COL6A3: variants seen among roughly 807,000 people sequenced by gnomAD.
COL6A3 encodes collagen type VI alpha 3 chain.
In COL6A3, 137 loss-of-function variants were observed where a neutral mutation model predicts 274.1. That is an observed-to-expected ratio of 0.50 (90% CI 0.44 to 0.58). The LOEUF (loss-of-function observed/expected upper bound fraction) is 0.58, where lower values mean the gene tolerates loss of function less well. Among genes scored for constraint, COL6A3 ranks in the 20% least tolerant of loss-of-function variants. COL6A3 has a pLI of 0.00. For synonymous variants in COL6A3, 1,650 were observed against 1,650.6 expected, an observed-to-expected ratio of 1.00 and a Z score of 0.01; for missense variants, 3,950 against 4,124.9, an observed-to-expected ratio of 0.96 and a Z score of 1.16.
chr2:237,358,442 A>C, intron 21 of COL6A3, 79 bp downstream of exon 21: 2 of 1,172,750 alleles, frequency 1.7e-6, no homozygotes, highest in Non-Finnish European at 2.6e-6. Context: ...CAAAAGTAGA[A>C]TTCTTCCTTT....
chr2:237,359,272 A>G lies in COL6A3; in HGVS notation c.6310-22T>C, dbSNP rs201060021. ...CGCCCTAAGAGGGAATAAGGCGGAC[A>G]GGTAAGTATAGAAAGCTATTCTGGC... On this transcript the variant is annotated intron_variant, in intron 18 of 43. Transcript: ENST00000295550. The G allele has an allele frequency of 4.1e-5, 66 of 1,614,182 alleles. No individual in the cohort carries two copies. The African/African-American group carries it at 7.7e-4, about 19-fold the overall frequency.
intron 37 of COL6A3, among the ~76,000 whole-genome samples, chr2:237,341,688 T>C (rs939227706): frequency 1.3e-5 from 2 of 151,934 alleles, no homozygotes; most frequent in Non-Finnish European, 2.9e-5. Context: ...CTTTGTAGCA[T>C]ACCATGTGCT....
rs148175795 is a variant in COL6A3 at position 237,374,892 on chromosome 2, C to G, written c.3199G>C (p.Val1067Leu). 6.2e-7 allele frequency: 1 copy of G among 1,613,800 alleles called. No individual in the cohort carries two copies. Among genetic ancestry groups the G allele is most frequent in the Non-Finnish European group, 8.5e-7 (1 of 1,180,014 alleles). The change falls in exon 8 of 44, where the codon GTG (valine) becomes CTG (leucine). Residue 1067 changes from valine to leucine, a missense_variant. By Grantham distance (32) the Val-to-Leu change is conservative. Coordinates refer to ENST00000295550, the MANE Select transcript of COL6A3 (RefSeq NM_004369.4). The surrounding 1 kb of genome is among the most constrained non-coding windows in gnomAD (Gnocchi z 4.8). ...CGGTCGCTGTACTGCACCACGGCCA[C>G]GCGGACCCGGTCCTGGCCCACATCC... ...SLDVGQDRVR[V>L]AVVQYSDRTR...
In COL6A3 at chr2:237,340,510, G is replaced by A. The variant is rs572018781; in HGVS notation, c.8406C>T (p.Thr2802=). 8.1e-6 allele frequency: 13 copies of A among 1,613,964 alleles called. No individual in the cohort carries two copies. The highest frequency in any genetic ancestry group is 1.3e-5 in the African/African-American group (1 of 74,914). The change falls in exon 38 of 44, where the codon ACC becomes ACT. Residue 2802 remains threonine, a synonymous_variant. Transcript: ENST00000295550. The part of the protein sequence containing the change: ...DVFFKLVDKS[T]ELNEEPLMRF... ...GCATCAAAGGCTCCTCGTTGAGCTC[G>A]GTGGACTTGTCCACTAATTTGAAGA...
chr2:237,358,456 C>T, intron 21 of COL6A3, 65 bp downstream of exon 21: 1 of 1,274,624 alleles, frequency 7.8e-7, no homozygotes. Context: ...TTCCTTTCAT[C>T]CCCCTTTCCC....
At position 237,360,082 on chromosome 2, in the gene COL6A3, C is replaced by T. The variant is rs375003188; in HGVS notation, c.6282+6G>A. On this transcript the variant is annotated splice_donor_region_variant and intron_variant, in intron 17 of 43. Coordinates refer to ENST00000295550, the MANE Select transcript of COL6A3 (RefSeq NM_004369.4). ...CACGCTAGCAACCCCATCACCCACG[C>T]CTCACCTTTACTCCTCTCTGGCCCG... is the stretch of plus-strand genomic sequence containing the variant. The T allele has an allele frequency of 3.7e-6, 6 of 1,613,994 alleles. No homozygotes were observed. The African/African-American group carries it at 6.7e-5, about 18-fold the overall frequency.
At chr2:237,326,271 G>GTGTA (rs1553541639) in intron 42 of COL6A3, 10 of 151,644 alleles carry the variant, frequency 6.6e-5, no homozygotes, top group African/African-American at 2.5e-4. Flanking sequence ...GTGTGTGTGT[G>GTGTA]TATGCACGTA....
In COL6A3 at chr2:237,360,176, A is replaced by C; in HGVS notation, c.6211-17T>G. On this transcript the variant is annotated splice_polypyrimidine_tract_variant and intron_variant, in intron 16 of 43. Transcript: ENST00000295550. ...ACGCTCACCCTGTTGTGAGAGACAAAGGCATTTTGCAAGCTGGAGCCCTTC... is the reference window on the plus strand; with the variant it reads ...ACGCTCACCCTGTTGTGAGAGACAACGGCATTTTGCAAGCTGGAGCCCTTC... 3 of 1,613,884 alleles carry C rather than the reference A, an allele frequency of 1.9e-6. No individual in the cohort carries two copies. Among genetic ancestry groups the C allele is most frequent in the South Asian group, 2.2e-5 (2 of 90,988 alleles).
chr2:237,381,275 G>C lies in COL6A3; in HGVS notation c.1537C>G (p.Arg513Gly), dbSNP rs369379463. Residue 513 changes from arginine to glycine, a missense_variant, in exon 5 of 44, where the codon CGG becomes GGG. Around this residue, in one of 5 missense-constraint regions of COL6A3, gnomAD observed 1,934 missense variants for 1,984.3 expected, o/e 0.97. Coordinates refer to ENST00000295550, the MANE Select transcript of COL6A3 (RefSeq NM_004369.4). Reference sequence around the variant, plus strand: ...GAGCCGTCCAGGGGCTTCATTTTCCGCACAGCGGTTATGACTTCCCTTTTT... The same window carrying C: ...GAGCCGTCCAGGGGCTTCATTTTCCCCACAGCGGTTATGACTTCCCTTTTT... ...PTKREVITAV[R>G]KMKPLDGSAL... The C allele has an allele frequency of 3.1e-6, 5 of 1,614,116 alleles. No homozygotes were observed. The highest frequency in any genetic ancestry group is 4.2e-6 in the Non-Finnish European group (5 of 1,180,052).
rs2077138936 is a variant in COL6A3, at chr2:237,348,372, A to G, written c.6943T>C (p.Phe2315Leu). 2 of 1,606,220 alleles carry G rather than the reference A, an allele frequency of 1.2e-6. No homozygotes were observed. The highest frequency in any genetic ancestry group is 1.7e-6 in the Non-Finnish European group (2 of 1,172,832). ...GRRGKKGERG[F>L]PGYPGPKGNP... ...ACCTTTGGTCCTGGGTATCCAGGGA[A>G]TCCTCTTTCTCCCTATAAAGGAAAA... Residue 2315 changes from phenylalanine (F) to leucine (L), a missense_variant, in exon 30 of 44, where the codon TTC (phenylalanine) becomes CTC (leucine). This residue lies in a region of COL6A3 where 1,284 missense variants were observed against 1,349.7 expected (regional missense o/e 0.95). Coordinates refer to ENST00000295550, the MANE Select transcript of COL6A3 (RefSeq NM_004369.4).
intron 8 of COL6A3, among the ~76,000 whole-genome samples, chr2:237,373,708 C>A (rs1428187131): frequency 1.3e-5 from 2 of 152,294 alleles, no homozygotes; most frequent in East Asian, 1.9e-4. Context: ...TGTGAACCCC[C>A]CCCACCCGAG....
intron 10 of COL6A3, 75 bp from the exon 11 acceptor site, chr2:237,367,361 T>G: frequency 6.6e-7 from 1 of 1,506,704 alleles, no homozygotes; most frequent in Middle Eastern, 1.8e-4. Context: ...AAAGGTAAAA[T>G]TAAATAACTG....
chr2:237,391,599 T>A (rs1435776186), intron 3 of COL6A3, among the ~76,000 whole-genome samples: 1 of 152,038 alleles, frequency 6.6e-6, no homozygotes, highest in Admixed American at 6.6e-5. Context: ...GTGTCACAAA[T>A]TTGGCTCACT....
In COL6A3 at chr2:237,394,775, G is replaced by A; in HGVS notation, c.521C>T (p.Ala174Val). The A allele has an allele frequency of 6.2e-7, 1 of 1,614,144 alleles. No individual in the cohort carries two copies. Among genetic ancestry groups the A allele is most frequent in the Non-Finnish European group, 8.5e-7 (1 of 1,180,036 alleles). Reference sequence around the variant, plus strand: ...TTCATCTGCATCCTCAACTCCAATTGCAAACACGTTAACATCAGCAGACTT... The same window carrying A: ...TTCATCTGCATCCTCAACTCCAATTACAAACACGTTAACATCAGCAGACTT... Reference protein sequence around the residue: ...ELKSADVNVFAIGVEDADEGA... With the variant: ...ELKSADVNVFVIGVEDADEGA... Residue 174 changes from alanine to valine, a missense_variant, in exon 3 of 44, where the codon GCA (alanine) becomes GTA (valine). By Grantham distance (64) the Ala-to-Val change is moderately conservative. Transcript: ENST00000295550.
intron 20 of COL6A3, among the ~76,000 whole-genome samples, 190 bp from the exon 21 acceptor site, chr2:237,358,773 C>A (rs2106340722): frequency 6.6e-6 from 1 of 152,266 alleles, no homozygotes; most frequent in Middle Eastern, 3.4e-3. Context: ...TTATTGGGGA[C>A]CCACTTTGTG....
chr2:237,385,095 C>T (rs913911865), intron 4 of COL6A3, among the ~76,000 whole-genome samples: 2 of 152,176 alleles, frequency 1.3e-5, no homozygotes, highest in Non-Finnish European at 2.9e-5. Flanking sequence ...CTAAAATTCC[C>T]TTCCCCAGTC....
chr2:237,331,323 C>A (rs528266239), intron 42 of COL6A3, among the ~76,000 whole-genome samples: 28 of 151,790 alleles, frequency 1.8e-4, no homozygotes, highest in Non-Finnish European at 2.6e-4. Flanking sequence ...TATATAAAAA[C>A]CATTAAAAAA....
chr2:237,347,903 T>C, intron 30 of COL6A3, 34 bp from the exon 31 acceptor site: 1 of 1,590,424 alleles, frequency 6.3e-7, no homozygotes. Flanking sequence ...CACAGTAAGC[T>C]TTGGAACAGA....
chr2:237,378,631 T>A lies in COL6A3; in HGVS notation c.2497+5A>T. ...AGGGAGTTCCCGGCAACAGGGGAGG[T>A]TTACCTGGCTGAGCGAGTGGTACTT... On this transcript the variant is annotated splice_donor_5th_base_variant and intron_variant, in intron 6 of 43. Coordinates refer to ENST00000295550, the MANE Select transcript of COL6A3 (RefSeq NM_004369.4). 1 of 1,612,096 alleles carries A rather than the reference T, an allele frequency of 6.2e-7. No homozygotes were observed. Among genetic ancestry groups the A allele is most frequent in the Non-Finnish European group, 8.5e-7 (1 of 1,179,950 alleles).
Sources: gnomAD v4.1 joint callset for allele counts (sites outside exome capture counted in the v4.1 genomes callset) on GRCh38, gnomAD v4.1.1 for gene constraint, gnomAD v4.1.1 regional missense constraint, Gnocchi (gnomAD v3.1) non-coding constraint, MANE v1.5 for transcripts, NCBI Gene and HGNC (gene_info 2026-07-23, HGNC 2026-07-21) for gene names.